Variants in OR51B5 observed in about 807,000 individuals in gnomAD.
The protein encoded by OR51B5 is olfactory receptor 51B5.
For missense variants in OR51B5, 456 were observed against 374.6 expected (o/e 1.22, Z -1.79); for synonymous variants, 186 against 144.8 (o/e 1.28, Z -2.04).
rs552442682 is a variant in OR51B5 at position 5,384,676 on chromosome 11, G to C, written n.85-37766C>G. On this transcript the variant is annotated intron_variant and non_coding_transcript_variant, in intron 1 of 4. Transcript: ENST00000415970. ...ACACACCCTCTCCTTACTCTCATCA[G>C]AAAAACAGTCATTCACTTATTCAAC... Among the ~76,000 whole-genome samples, 6 of 152,234 alleles carry C rather than the reference G, an allele frequency of 3.9e-5. No homozygotes were observed. The East Asian group carries it at 1.2e-3, about 29-fold the overall frequency.
At chr11:5,448,481 T>A (rs1234144576) in intron 1 of OR51B5, among the ~76,000 whole-genome samples, 1 of 152,182 alleles carries the variant, frequency 6.6e-6, no homozygotes, top group African/African-American at 2.4e-5. Flanking sequence ...CACGGTGTTG[T>A]CTTATGTCCT....
rs540610149 is a variant in OR51B5 at position 5,477,081 on chromosome 11, T to C, written n.84+28488A>G. On this transcript the variant is annotated intron_variant and non_coding_transcript_variant, in intron 1 of 4. Coordinates refer to the OR51B5 transcript ENST00000415970. ...AAGTGTTTTCATCATCATAAATAAA[T>C]AGAGTGGGAAGGAACTTTTAGAGGT... 7.9e-5 allele frequency among the ~76,000 whole-genome samples: 12 copies of C among 152,256 alleles called. No individual in the cohort carries two copies. In the South Asian group the frequency reaches 2.1e-3, roughly 26 times the overall value.
intron 1 of OR51B5, among the ~76,000 whole-genome samples, chr11:5,439,557 G>T (rs1202359379): frequency 2.0e-5 from 3 of 152,154 alleles, no homozygotes; most frequent in Admixed American, 6.6e-5. Flanking sequence ...GAAATAACTT[G>T]CAGAATGTAT....
intron 1 of OR51B5, chr11:5,390,187 C>G (rs761167652): frequency 1.9e-6 from 3 of 1,613,996 alleles, no homozygotes; most frequent in East Asian, 2.2e-5. Context: ...TGCTAGTATT[C>G]TTTGTGCCCA....
chr11:5,406,929 C>T (rs1250218667), intron 1 of OR51B5, among the ~76,000 whole-genome samples: 1 of 152,048 alleles, frequency 6.6e-6, no homozygotes, highest in African/African-American at 2.4e-5. Flanking sequence ...AAAATAAGTA[C>T]TCAAATGCAT....
At chr11:5,485,003 G>T (rs945976525) in intron 1 of OR51B5, among the ~76,000 whole-genome samples, 1 of 152,098 alleles carries the variant, frequency 6.6e-6, no homozygotes, top group African/African-American at 2.4e-5. Flanking sequence ...TATACAGATT[G>T]GCTACTCTTT....
chr11:5,351,779 G>A (rs1849092816), intron 1 of OR51B5: 5 of 1,614,042 alleles, frequency 3.1e-6, no homozygotes, highest in Non-Finnish European at 3.4e-6. Context: ...AGGGAGATTG[G>A]CCATGGAGCC....
chr11:5,505,557 T>TA, intron 1 of OR51B5: 2 of 1,075,014 alleles, frequency 1.9e-6, no homozygotes, highest in Non-Finnish European at 2.4e-6. Context: ...GAAAGAGGTT[T>TA]ACCGGACTTA....
downstream of OR51B5, chr11:5,340,433 C>G (rs1848876390): frequency 7.0e-6 from 1 of 143,588 alleles, no homozygotes; most frequent in Admixed American, 7.3e-5. Context: ...ATTAACAATT[C>G]TAAGCATTGC....
chr11:5,474,382 C>T (rs575008765), intron 1 of OR51B5, among the ~76,000 whole-genome samples: 35 of 152,248 alleles, frequency 2.3e-4, no homozygotes, highest in African/African-American at 7.5e-4. Flanking sequence ...GCGAACAACA[C>T]AAGAGACTTG....
chr11:5,445,875 T>C (rs1850752585), intron 1 of OR51B5, among the ~76,000 whole-genome samples: 2 of 151,962 alleles, frequency 1.3e-5, no homozygotes, highest in African/African-American at 4.8e-5. Context: ...ATTGATAAAC[T>C]AGTAGAAAGA....
exon 1 of OR51B5, chr11:5,343,268 T>G: frequency 1.2e-6 from 2 of 1,613,228 alleles, no homozygotes; most frequent in Non-Finnish European, 1.7e-6. Context: ...CTCCCTGTGA[T>G]CCAGCCAGAG....
intron 1 of OR51B5, among the ~76,000 whole-genome samples, chr11:5,421,913 C>T (rs2133760369): frequency 6.6e-6 from 1 of 152,210 alleles, no homozygotes; most frequent in Non-Finnish European, 1.5e-5. Flanking sequence ...GTGCTGAAAA[C>T]TGAATGGGAG....
At chr11:5,501,748 CTTCT>C (rs1846293421) in intron 1 of OR51B5, among the ~76,000 whole-genome samples, 1 of 148,192 alleles carries the variant, frequency 6.7e-6, no homozygotes, top group South Asian at 2.1e-4. Flanking sequence ...GTGATATTTT[CTTCT>C]TTGCTTATTA....
At chr11:5,341,557 A>T (rs1420892261), downstream of OR51B5, among the ~76,000 whole-genome samples, 1 of 152,168 alleles carries the variant, frequency 6.6e-6, no homozygotes, top group Non-Finnish European at 1.5e-5. Context: ...AGGATATTTT[A>T]AATTGAGTTA....
chr11:5,494,359 C>T (rs1041228937), intron 1 of OR51B5, among the ~76,000 whole-genome samples: 51 of 152,120 alleles, frequency 3.4e-4, no homozygotes, highest in African/African-American at 1.1e-3. Context: ...ACCTGAATGT[C>T]TCCTTCCCAA....
chr11:5,448,614 G>C (rs1166607283), intron 1 of OR51B5, among the ~76,000 whole-genome samples: 1 of 152,098 alleles, frequency 6.6e-6, no homozygotes, highest in East Asian at 1.9e-4. Flanking sequence ...ATGAGAAGAA[G>C]CTTCTAAGAA....
chr11:5,414,877 G>C (rs1242746256), intron 1 of OR51B5, among the ~76,000 whole-genome samples: 2 of 152,128 alleles, frequency 1.3e-5, no homozygotes, highest in Non-Finnish European at 2.9e-5. Context: ...GAGACAGAAA[G>C]TCAACAAGGA....
Position 5,428,287 on chromosome 11 carries a change from T to G in OR51B5, n.84+77282A>C, listed in dbSNP as rs549347105. 5.3e-4 allele frequency among the ~76,000 whole-genome samples: 81 copies of G among 152,290 alleles called. 3 individuals carry two copies. The South Asian group carries it at 0.016, about 30-fold the overall frequency. ...GTGAATATTGCAAAAAAAAGAGTCA[T>G]ACTTAAAATTTCCCAGTGCACATAA... is the stretch of plus-strand genomic sequence containing the variant. On this transcript the variant is annotated intron_variant and non_coding_transcript_variant, in intron 1 of 4. Transcript: ENST00000415970.
Sources: gnomAD v4.1 joint callset for allele counts (sites outside exome capture counted in the v4.1 genomes callset) on GRCh38, gnomAD v4.1.1 for gene constraint, MANE v1.5 for transcripts, NCBI Gene and HGNC (gene_info 2026-07-23, HGNC 2026-07-21) for gene names.